Variants in CCDC12 observed in about 807,000 individuals in gnomAD.
CCDC12 encodes the protein coiled-coil domain-containing protein 12.
A neutral mutation model predicts 25.7 loss-of-function variants in CCDC12; 28 were observed. The ratio of observed to expected loss-of-function variants is 1.09; its 90% CI spans 0.81 to 1.50. The LOEUF (loss-of-function observed/expected upper bound fraction) is 1.50, where lower values mean the gene tolerates loss of function less well. Ranked by LOEUF, CCDC12 falls within the 40% of genes most tolerant of loss-of-function variation. The pLI, the probability that CCDC12 is intolerant of heterozygous loss-of-function variation, is 0.00. For synonymous variants in CCDC12, 75 were observed against 87.7 expected (o/e 0.86, Z 0.81); for missense variants, 198 against 210.0 (o/e 0.94, Z 0.35).
intron 2 of CCDC12, among the ~76,000 whole-genome samples, chr3:46,939,985 C>T (rs2033629623): frequency 6.6e-6 from 1 of 152,150 alleles, no homozygotes; most frequent in African/African-American, 2.4e-5. Context: ...AGATCTACAC[C>T]CCCCTGTGCC....
At chr3:46,928,542 A>C (rs954092992) in intron 2 of CCDC12, among the ~76,000 whole-genome samples, 2 of 151,222 alleles carry the variant, frequency 1.3e-5, no homozygotes, top group South Asian at 4.2e-4. Context: ...CCTGGAGAGA[A>C]AAAAAAAAGT....
intron 1 of CCDC12, among the ~76,000 whole-genome samples, chr3:46,943,598 AATACC>A (rs2033797869): frequency 6.6e-6 from 1 of 152,216 alleles, no homozygotes; most frequent in Non-Finnish European, 1.5e-5. Context: ...GTGCTTTGCA[AATACC>A]ATGCCCTTTC....
intron 1 of CCDC12, among the ~76,000 whole-genome samples, chr3:46,971,167 C>T (rs2034792593): frequency 6.6e-6 from 1 of 152,254 alleles, no homozygotes. Context: ...TGACCTTCTC[C>T]CACTTCCCCA....
upstream of CCDC12, chr3:46,979,923 C>T (rs886058590): frequency 1.3e-5 from 5 of 387,188 alleles, no homozygotes; most frequent in East Asian, 2.0e-4. Context: ...GTGAGCCCGC[C>T]CCGCCCCGCG....
At chr3:46,937,702 C>T (rs1422577535) in intron 2 of CCDC12, among the ~76,000 whole-genome samples, 2 of 152,266 alleles carry the variant, frequency 1.3e-5, no homozygotes, top group African/African-American at 2.4e-5. Flanking sequence ...AAGCAAGATC[C>T]CCTGGGATGG....
intron 1 of CCDC12, among the ~76,000 whole-genome samples, chr3:46,954,303 C>G (rs566391914): frequency 1.3e-5 from 2 of 152,314 alleles, no homozygotes; most frequent in South Asian, 4.1e-4. Context: ...AGGCTGAGCC[C>G]AGGAGGGAAG....
At chr3:46,962,867 T>A (rs1452327846) in intron 1 of CCDC12, among the ~76,000 whole-genome samples, 1 of 152,170 alleles carries the variant, frequency 6.6e-6, no homozygotes, top group Non-Finnish European at 1.5e-5. Context: ...TAGGCATAGA[T>A]CCTACAGATG....
Position 46,923,651 on chromosome 3 carries a change from C to T in CCDC12, c.262G>A (p.Glu88Lys). 1 of 1,569,212 alleles carries T rather than the reference C, an allele frequency of 6.4e-7. No individual in the cohort carries two copies. The highest frequency in any genetic ancestry group is 2.3e-5 in the East Asian group (1 of 43,662). The change falls in exon 4 of 7, where the codon GAG (glutamate) becomes AAG (lysine). Residue 88 changes from glutamate (E) to lysine (K), a missense_variant. By Grantham distance (56) the Glu-to-Lys change is moderately conservative. Coordinates refer to ENST00000683445, the MANE Select transcript of CCDC12 (RefSeq NM_001277074.2). The part of the protein sequence containing the change: ...KPVAVEEKVK[E>K]QLEAAKPEPV... ...TCGGGCTTGGCGGCCTCCAGCTGCT[C>T]CTTCACCTTCTCCTCCACTAGAGGG... is the stretch of plus-strand genomic sequence containing the variant.
chr3:46,960,691 A>G (rs2034436896), intron 1 of CCDC12, among the ~76,000 whole-genome samples: 1 of 152,220 alleles, frequency 6.6e-6, no homozygotes. Flanking sequence ...GGGAGAAGCC[A>G]GGGCCCCAGA....
At chr3:46,945,647 G>A (rs1352285561) in intron 1 of CCDC12, among the ~76,000 whole-genome samples, 1 of 152,238 alleles carries the variant, frequency 6.6e-6, no homozygotes, top group Non-Finnish European at 1.5e-5. Context: ...CTTCAGTGAA[G>A]CAATCTTGGC....
intron 1 of CCDC12, among the ~76,000 whole-genome samples, chr3:46,972,482 G>A (rs1001831734): frequency 2.0e-5 from 3 of 152,086 alleles, no homozygotes; most frequent in Non-Finnish European, 4.4e-5. Flanking sequence ...ATGGGCAAAA[G>A]GAATCTGGAT....
chr3:46,922,414 C>T (rs2032723067), intron 5 of CCDC12, 102 bp from the exon 6 acceptor site: 2 of 1,334,714 alleles, frequency 1.5e-6, no homozygotes, highest in African/African-American at 1.4e-5. Context: ...GAGTCATGCT[C>T]GGTTGCTGGA....
chr3:46,971,700 T>C (rs542028581), intron 1 of CCDC12, among the ~76,000 whole-genome samples: 74 of 152,166 alleles, frequency 4.9e-4, no homozygotes, highest in Non-Finnish European at 7.6e-4. Flanking sequence ...ACTCCATGCC[T>C]GAAATTCCTA....
At chr3:46,967,525 C>G (rs1356544066) in intron 1 of CCDC12, among the ~76,000 whole-genome samples, 1 of 152,200 alleles carries the variant, frequency 6.6e-6, no homozygotes, top group African/African-American at 2.4e-5. Flanking sequence ...ACTCCTCCAT[C>G]CCCGTCTCAG....
chr3:46,922,891 A>ACT, intron 5 of CCDC12: 1 of 175,630 alleles, frequency 5.7e-6, no homozygotes. Context: ...CCTCTCTCCC[A>ACT]CTCTCTCTCA....
chr3:46,978,527 G>T (rs977270784), upstream of CCDC12, among the ~76,000 whole-genome samples: 5 of 128,892 alleles, frequency 3.9e-5, no homozygotes, highest in African/African-American at 1.4e-4. Context: ...CCATCACCCC[G>T]TGCCCCTTTC....
intron 2 of CCDC12, among the ~76,000 whole-genome samples, chr3:46,932,638 G>A (rs2033276295): frequency 6.6e-6 from 1 of 152,208 alleles, no homozygotes; most frequent in African/African-American, 2.4e-5. Context: ...CACAAGAAGT[G>A]ACCATGGGCA....
intron 1 of CCDC12, among the ~76,000 whole-genome samples, chr3:46,972,986 CCT>C (rs761013806): frequency 5.3e-5 from 8 of 151,846 alleles, no homozygotes; most frequent in African/African-American, 1.7e-4. Context: ...TATATAAACC[CCT>C]GATTTTAGTT....
At chr3:46,949,877 A>G (rs1300688218) in intron 1 of CCDC12, among the ~76,000 whole-genome samples, 1 of 151,944 alleles carries the variant, frequency 6.6e-6, no homozygotes, top group Non-Finnish European at 1.5e-5. Flanking sequence ...AACTACAAAA[A>G]TTAGCCGGGC....
Sources: allele counts gnomAD v4.1 joint callset (sites outside exome capture counted in the v4.1 genomes callset), GRCh38; gene constraint gnomAD v4.1.1; transcripts MANE v1.5; gene names NCBI Gene and HGNC (gene_info 2026-07-23, HGNC 2026-07-21).